Variants in CCDC88A observed in about 807,000 individuals in gnomAD.
CCDC88A encodes coiled-coil and HOOK domain protein 88A.
In CCDC88A, 54 loss-of-function variants were observed where a neutral mutation model predicts 234.3. The ratio of observed to expected loss-of-function variants is 0.23; its 90% CI spans 0.19 to 0.29. The LOEUF is 0.29. Ranked by LOEUF, CCDC88A falls within the 10% of genes least tolerant of loss-of-function variation. CCDC88A has a pLI of 1.00. For missense variants in CCDC88A, 1,832 were observed against 2,123.4 expected (o/e 0.86, Z 2.70); for synonymous variants, 753 against 737.8 (o/e 1.02, Z -0.33).
rs1391845821 is a variant in CCDC88A at position 55,295,733 on chromosome 2, T to G, written c.5415A>C (p.Ala1805=). The change falls in exon 31 of 33, where the codon GCA becomes GCC. Residue 1805 remains alanine, a synonymous_variant. Transcript: ENST00000436346. ...DSNPYATLPR[A]SSVISTAEGT... Reference sequence around the variant, plus strand: ...CTTCGGCAGTTGAGATCACGCTGCTTGCACGAGGTAAAGTTGCATAAGGGT... The same window carrying G: ...CTTCGGCAGTTGAGATCACGCTGCTGGCACGAGGTAAAGTTGCATAAGGGT... 3 of 1,614,100 alleles carry G rather than the reference T, an allele frequency of 1.9e-6. No homozygotes were observed. Among genetic ancestry groups the G allele is most frequent in the Non-Finnish European group, 2.5e-6 (3 of 1,180,042 alleles).
At chr2:55,333,148 G>C (rs911671125) in intron 15 of CCDC88A, among the ~76,000 whole-genome samples, 3 of 152,130 alleles carry the variant, frequency 2.0e-5, no homozygotes, top group African/African-American at 7.2e-5. Context: ...CAAGGAACTT[G>C]TTGTTCATGT....
chr2:55,305,634 G>A (rs1681457843), intron 25 of CCDC88A, among the ~76,000 whole-genome samples: 1 of 152,142 alleles, frequency 6.6e-6, no homozygotes, highest in Non-Finnish European at 1.5e-5. Context: ...ATAGCTTGGG[G>A]CCAGGAGTTT....
chr2:55,321,530 C>T (rs72923130), intron 18 of CCDC88A, among the ~76,000 whole-genome samples: 5,074 of 151,600 alleles, frequency 0.033, 270 homozygotes, highest in African/African-American at 0.11. Context: ...AATTCCTGGG[C>T]GACAAAGTGA....
intron 2 of CCDC88A, chr2:55,404,460 CCATT>C (rs1679221773): frequency 6.6e-6 from 1 of 150,872 alleles, no homozygotes; most frequent in Non-Finnish European, 1.5e-5. Context: ...AATGCTAACT[CCATT>C]ATAAACCCAC....
chr2:55,380,061 TAAAA>T (rs57314271), intron 3 of CCDC88A, among the ~76,000 whole-genome samples: 11 of 75,368 alleles, frequency 1.5e-4, no homozygotes, highest in African/African-American at 4.5e-4. Context: ...CTGTCTCTAC[TAAAA>T]AAAAAAAAAA....
chr2:55,314,948 T>G (rs1682801767), intron 22 of CCDC88A: 1 of 152,174 alleles, frequency 6.6e-6, no homozygotes, highest in Non-Finnish European at 1.5e-5. Flanking sequence ...AGCCAATAAT[T>G]AACATTTGAC....
intron 2 of CCDC88A, among the ~76,000 whole-genome samples, chr2:55,400,852 T>G (rs370517436): frequency 5.3e-5 from 8 of 152,338 alleles, no homozygotes; most frequent in African/African-American, 1.9e-4. Context: ...ACTATGGTTG[T>G]AGTGTGGTCT....
chr2:55,297,331 TATATAA>T, intron 29 of CCDC88A, among the ~76,000 whole-genome samples: 1 of 57,308 alleles, frequency 1.7e-5, no homozygotes, highest in East Asian at 5.9e-4. Flanking sequence ...TAATATATAA[TATATAA>T]ATTTATATAT....
At chr2:55,348,214 C>CT (rs1425186997) in intron 9 of CCDC88A, among the ~76,000 whole-genome samples, 1 of 152,194 alleles carries the variant, frequency 6.6e-6, no homozygotes. Flanking sequence ...ACCCACCTGC[C>CT]TTGGCCTCCC....
At chr2:55,375,341 A>G (rs1364433485) in intron 3 of CCDC88A, among the ~76,000 whole-genome samples, 1 of 151,920 alleles carries the variant, frequency 6.6e-6, no homozygotes, top group Non-Finnish European at 1.5e-5. Context: ...AACATTCCTC[A>G]GTAAAAGATC....
At chr2:55,385,446 A>T (rs1675422611) in intron 3 of CCDC88A, among the ~76,000 whole-genome samples, 1 of 152,228 alleles carries the variant, frequency 6.6e-6, no homozygotes, top group Admixed American at 6.5e-5. Context: ...ATAAAAGTTT[A>T]ATAAGCAAGA....
At chr2:55,303,804 A>C (rs549668694) in intron 25 of CCDC88A, among the ~76,000 whole-genome samples, 1 of 152,338 alleles carries the variant, frequency 6.6e-6, no homozygotes, top group African/African-American at 2.4e-5. Context: ...TTTAAAATGA[A>C]GGCTACTGGT....
intron 12 of CCDC88A, among the ~76,000 whole-genome samples, chr2:55,342,711 A>T (rs972785536): frequency 6.6e-6 from 1 of 152,178 alleles, no homozygotes; most frequent in Non-Finnish European, 1.5e-5. Context: ...TTTCAAGTAT[A>T]AAACAGGAAG....
chr2:55,388,762 T>A lies in CCDC88A; in HGVS notation c.273+16A>T. The A allele has an allele frequency of 1.0e-6, 1 of 998,878 alleles. No homozygotes were observed. The highest frequency in any genetic ancestry group is 1.5e-6 in the Non-Finnish European group (1 of 652,264). 61.9% of individuals were successfully genotyped at this position (998,878 alleles called of 1,614,324 possible). On this transcript the variant is annotated intron_variant, in intron 3 of 32. Coordinates refer to ENST00000436346, the MANE Select transcript of CCDC88A (RefSeq NM_001365480.1). ...AGTAGTTATTAAAACCCCAGATTTT[T>A]AAAAAGAGCACTTACCTGGTAATAA...
At chr2:55,382,634 T>C (rs1209222117) in intron 3 of CCDC88A, among the ~76,000 whole-genome samples, 2 of 152,194 alleles carry the variant, frequency 1.3e-5, no homozygotes, top group Non-Finnish European at 2.9e-5. Flanking sequence ...TAGGTAATTT[T>C]ACATAACAGC....
In CCDC88A at chr2:55,299,897, A is replaced by G. The variant is rs375629794; in HGVS notation, c.4767T>C (p.Asp1589=). ...RVHASRPASL[D]SGRTSTSNSN... is the part of the protein sequence containing the mutation. Reference sequence around the variant, plus strand: ...TATTGCTAGTGGATGTTCTGCCACTATCAAGGCTGGCTGGTCTTGAAGCTA... The same window carrying G: ...TATTGCTAGTGGATGTTCTGCCACTGTCAAGGCTGGCTGGTCTTGAAGCTA... The change falls in exon 29 of 33, where the codon GAT becomes GAC. Residue 1589 remains aspartate (D), a synonymous_variant. Coordinates refer to ENST00000436346, the MANE Select transcript of CCDC88A (RefSeq NM_001365480.1). 7.1e-5 allele frequency: 114 copies of G among 1,613,610 alleles called. No homozygotes were observed. The highest frequency in any genetic ancestry group is 5.5e-4 in the Admixed American group (33 of 59,992).
rs1679387612 is a variant in CCDC88A at position 55,290,764 on chromosome 2, T to C, written c.*436A>G. 6.6e-6 allele frequency: 1 copy of C among 152,660 alleles called. No homozygotes were observed. The highest frequency in any genetic ancestry group is 1.9e-4 in the East Asian group (1 of 5,194). The allele number at this position is 152,660 out of a possible 1,614,324, so 9.5% of individuals were successfully genotyped here. A position where few individuals can be genotyped will look rare whatever the true frequency, so the allele number is the denominator to read the frequency against. On this transcript the variant is annotated 3_prime_UTR_variant, in exon 33 of 33. Transcript: ENST00000436346. ...TTTAATTTAGGTTTACACAACTAAA[T>C]ATAAATGGCTAGATTTTGGCTAACA...
chr2:55,348,276 A>AT (rs70954104), intron 9 of CCDC88A, among the ~76,000 whole-genome samples: 108 of 145,460 alleles, frequency 7.4e-4, no homozygotes, highest in South Asian at 1.3e-3. Flanking sequence ...AAGTGACTTA[A>AT]TTTTTTTTTT....
At chr2:55,340,854 C>G (rs1405317812) in intron 12 of CCDC88A, among the ~76,000 whole-genome samples, 2 of 152,030 alleles carry the variant, frequency 1.3e-5, no homozygotes, top group Non-Finnish European at 2.9e-5. Flanking sequence ...TGTTAATCTA[C>G]CTGTATTAGG....
Sources: gnomAD v4.1 joint callset for allele counts (sites outside exome capture counted in the v4.1 genomes callset) on GRCh38, gnomAD v4.1.1 for gene constraint, MANE v1.5 for transcripts, NCBI Gene and HGNC (gene_info 2026-07-23, HGNC 2026-07-21) for gene names.